Variants in SETBP1 observed in about 807,000 individuals in gnomAD.
SETBP1 encodes the protein SET-binding protein.
In SETBP1, 9 loss-of-function variants were observed where a neutral mutation model predicts 101.0. The ratio of observed to expected loss-of-function variants is 0.09; its 90% CI spans 0.05 to 0.16. SETBP1 has a LOEUF of 0.16. Among genes scored for constraint, SETBP1 ranks in the 10% least tolerant of loss-of-function variants. The pLI, the probability that SETBP1 is intolerant of heterozygous loss-of-function variation, is 1.00. For synonymous variants in SETBP1, 818 were observed against 788.5 expected (o/e 1.04, Z -0.63); for missense variants, 1,858 against 2,033.8 (o/e 0.91, Z 1.66).
chr18:44,970,615 G>A (rs538565245), intron 4 of SETBP1, among the ~76,000 whole-genome samples: 12 of 151,874 alleles, frequency 7.9e-5, no homozygotes, highest in Admixed American at 1.3e-4. Context: ...GAAATGGGGC[G>A]ATCTCGGCTT....
chr18:45,013,758 GC>G (rs2072888334), intron 4 of SETBP1, among the ~76,000 whole-genome samples: 1 of 152,178 alleles, frequency 6.6e-6, no homozygotes, highest in African/African-American at 2.4e-5. Context: ...CTGAGCAGCA[GC>G]CACTGAGCGG....
At chr18:45,031,355 TG>T (rs1307795865) in intron 4 of SETBP1, among the ~76,000 whole-genome samples, 1 of 152,154 alleles carries the variant, frequency 6.6e-6, no homozygotes, top group Non-Finnish European at 1.5e-5. Flanking sequence ...TGGACAGCTT[TG>T]GAGGGGAAAC....
At chr18:44,849,937 G>A (rs1440016813) in intron 2 of SETBP1, among the ~76,000 whole-genome samples, 1 of 151,994 alleles carries the variant, frequency 6.6e-6, no homozygotes, top group African/African-American at 2.4e-5. Flanking sequence ...TATTCTTTTG[G>A]GGTATTTGGT....
intron 4 of SETBP1, among the ~76,000 whole-genome samples, chr18:44,994,253 G>A (rs966684089): frequency 3.3e-5 from 5 of 151,958 alleles, no homozygotes; most frequent in Non-Finnish European, 7.4e-5. Flanking sequence ...TAATTTTCCT[G>A]ATTCTATTCC....
intron 4 of SETBP1, among the ~76,000 whole-genome samples, chr18:44,996,760 T>C (rs2072505846): frequency 6.6e-6 from 1 of 152,102 alleles, no homozygotes; most frequent in South Asian, 2.1e-4. Context: ...AGGCAGATCT[T>C]TGGGCTGCTA....
At chr18:44,814,517 G>A (rs764414075) in intron 2 of SETBP1, among the ~76,000 whole-genome samples, 10 of 152,150 alleles carry the variant, frequency 6.6e-5, no homozygotes, top group African/African-American at 9.7e-5. Context: ...TCTAAATGAC[G>A]GCAAATTTTA....
At chr18:44,933,769 C>T (rs1308484015) in intron 3 of SETBP1, among the ~76,000 whole-genome samples, 1 of 152,228 alleles carries the variant, frequency 6.6e-6, no homozygotes, top group Non-Finnish European at 1.5e-5. Flanking sequence ...ATATAATCTC[C>T]TGGTGTGCCA....
chr18:44,984,821 G>T (rs531999326), intron 4 of SETBP1, among the ~76,000 whole-genome samples: 1 of 152,252 alleles, frequency 6.6e-6, no homozygotes, highest in African/African-American at 2.4e-5. Context: ...GAGAAGGCAC[G>T]AATTTTAAGT....
intron 3 of SETBP1, among the ~76,000 whole-genome samples, chr18:44,923,071 A>G (rs771593473): frequency 6.6e-6 from 1 of 152,188 alleles, no homozygotes; most frequent in Admixed American, 6.5e-5. Flanking sequence ...CTACGTTGCA[A>G]AGAAGGATGG....
Position 44,759,471 on chromosome 18 carries a change from T to C in SETBP1, c.486+57639T>C, listed in dbSNP as rs191072949. On this transcript the variant is annotated intron_variant, in intron 2 of 5. Transcript: ENST00000649279. The stretch of plus-strand genomic sequence containing the variant: ...GTGAGGTGGATTGTTTTCATTTGCT[T>C]CATTTCTCCTCTTTTGGCCTTTGAG... 1.6e-4 allele frequency among the ~76,000 whole-genome samples: 24 copies of C among 152,280 alleles called. No individual in the cohort carries two copies. In the East Asian group the frequency reaches 4.3e-3, roughly 27 times the overall value.
At chr18:45,027,121 C>T (rs114721574) in intron 4 of SETBP1, among the ~76,000 whole-genome samples, 65 of 152,250 alleles carry the variant, frequency 4.3e-4, no homozygotes, top group African/African-American at 1.3e-3. Context: ...ACTATAGAAT[C>T]GAGAGAGAGT....
At chr18:45,030,089 A>G (rs1599469521) in intron 4 of SETBP1, among the ~76,000 whole-genome samples, 1 of 149,542 alleles carries the variant, frequency 6.7e-6, no homozygotes, top group Non-Finnish European at 1.5e-5. Flanking sequence ...GTCTTGTGTC[A>G]GTTTTCAAAG....
intron 2 of SETBP1, among the ~76,000 whole-genome samples, chr18:44,795,170 A>G (rs1388217768): frequency 1.3e-5 from 2 of 152,208 alleles, no homozygotes; most frequent in Non-Finnish European, 2.9e-5. Flanking sequence ...TACCAGTTCC[A>G]TGGATATTTT....
chr18:45,022,380 G>C (rs1312879877), intron 4 of SETBP1, among the ~76,000 whole-genome samples: 3 of 152,176 alleles, frequency 2.0e-5, no homozygotes, highest in Non-Finnish European at 4.4e-5. Flanking sequence ...TTCCTGGAAA[G>C]TCTTTCATCT....
rs577557085 is a variant in SETBP1 at position 45,043,168 on chromosome 18, A to G, written c.4171+4513A>G. Among the ~76,000 whole-genome samples, 21 of 152,296 alleles carry G rather than the reference A, an allele frequency of 1.4e-4. No individual in the cohort carries two copies. The South Asian group carries it at 4.4e-3, about 32-fold the overall frequency. On this transcript the variant is annotated intron_variant, in intron 5 of 5. Coordinates refer to ENST00000649279, the MANE Select transcript of SETBP1 (RefSeq NM_015559.3). ...TTCTCAGGGAGATCACGTAATGTATAGAGAAACTGTGATTTCATTTCAGAA... is the reference window on the plus strand; with the variant it reads ...TTCTCAGGGAGATCACGTAATGTATGGAGAAACTGTGATTTCATTTCAGAA...
intron 4 of SETBP1, among the ~76,000 whole-genome samples, chr18:44,995,308 AT>A (rs1306012648): frequency 6.6e-6 from 1 of 151,596 alleles, no homozygotes. Flanking sequence ...TGCCCGACTA[AT>A]TTTTTGTATT....
intron 4 of SETBP1, among the ~76,000 whole-genome samples, chr18:45,001,238 T>G (rs1599432106): frequency 6.6e-6 from 1 of 152,176 alleles, no homozygotes; most frequent in Non-Finnish European, 1.5e-5. Flanking sequence ...TGGTAAGTCT[T>G]GTCACCACTC....
intron 2 of SETBP1, among the ~76,000 whole-genome samples, chr18:44,815,823 G>A (rs1304513055): frequency 1.3e-5 from 2 of 152,176 alleles, no homozygotes; most frequent in Non-Finnish European, 2.9e-5. Context: ...AGGACATATG[G>A]ATGCCCAGGA....
intron 2 of SETBP1, among the ~76,000 whole-genome samples, chr18:44,793,881 G>A (rs905673812): frequency 2.6e-5 from 4 of 152,164 alleles, no homozygotes; most frequent in African/African-American, 9.7e-5. Flanking sequence ...AGCTTCTTGT[G>A]GGCCAAAGGA....
Sources: gnomAD v4.1 joint callset for allele counts (sites outside exome capture counted in the v4.1 genomes callset) on GRCh38, gnomAD v4.1.1 for gene constraint, MANE v1.5 for transcripts, NCBI Gene and HGNC (gene_info 2026-07-23, HGNC 2026-07-21) for gene names.